RICTOR: variants seen among roughly 807,000 people sequenced by gnomAD.
The protein encoded by RICTOR is rapamycin-insensitive companion of mTOR.
Under a neutral mutation model 214.9 loss-of-function variants are expected in RICTOR, and 49 were observed. The ratio of observed to expected loss-of-function variants is 0.23; its 90% CI spans 0.18 to 0.29. The LOEUF is 0.29. Among genes scored for constraint, RICTOR ranks in the 10% least tolerant of loss-of-function variants. The pLI, the probability that RICTOR is intolerant of heterozygous loss-of-function variation, is 1.00. For synonymous variants in RICTOR, 717 were observed against 711.3 expected (o/e 1.01, Z -0.13); for missense variants, 1,625 against 2,047.0 (o/e 0.79, Z 3.98).
chr5:38,991,010 A>C lies in RICTOR; in HGVS notation c.522T>G (p.Asn174Lys). Residue 174 changes from asparagine to lysine, a missense_variant, in exon 7 of 38, where the codon AAT becomes AAG. Physicochemically the swap from Asn to Lys is moderately conservative, Grantham distance 94. Transcript: ENST00000357387. ...SVTNSLIAVG[N>K]DGLQERDRMV... ...TTCTGTCTCTTTCTTGAAGTCCATC[A>C]TTTCCAACTGCAATTAATGAGTTGG... 2 of 1,606,134 alleles carry C rather than the reference A, an allele frequency of 1.2e-6. No individual in the cohort carries two copies. The highest frequency in any genetic ancestry group is 1.7e-6 in the Non-Finnish European group (2 of 1,174,844).
At chr5:39,047,688 C>T (rs1360166474) in intron 2 of RICTOR, among the ~76,000 whole-genome samples, 2 of 152,142 alleles carry the variant, frequency 1.3e-5, no homozygotes, top group African/African-American at 4.8e-5. Flanking sequence ...AAATTCCAGT[C>T]AGGCTTTGCT....
chr5:39,044,462 C>A (rs1176106500), intron 2 of RICTOR, among the ~76,000 whole-genome samples: 2 of 151,982 alleles, frequency 1.3e-5, no homozygotes, highest in Admixed American at 1.3e-4. Context: ...GACTTACTAT[C>A]TTATGAGTAG....
At chr5:38,944,245 T>A in intron 36 of RICTOR, 1 of 647,892 alleles carries the variant, frequency 1.5e-6, no homozygotes, top group South Asian at 1.5e-5. Context: ...TGGATTCTCA[T>A]ACTTGCTTCT....
intron 7 of RICTOR, among the ~76,000 whole-genome samples, chr5:38,984,825 G>A (rs1371793736): frequency 6.6e-6 from 1 of 152,028 alleles, no homozygotes; most frequent in Non-Finnish European, 1.5e-5. Flanking sequence ...GTTGTTGGTG[G>A]TGGTGGTGTT....
Position 39,010,875 on chromosome 5 carries a change from T to A in RICTOR, c.196-7253A>T, listed in dbSNP as rs1386416108. Among the ~76,000 whole-genome samples, 3 of 152,172 alleles carry A rather than the reference T, an allele frequency of 2.0e-5. No homozygotes were observed. In the East Asian group the frequency reaches 5.8e-4, roughly 29 times the overall value. ...ACAATCTGGAATTGGAACTTATGTTTAAAAGTGAAGCAGAGCATAAAAGTT... is the reference window on the plus strand; with the variant it reads ...ACAATCTGGAATTGGAACTTATGTTAAAAAGTGAAGCAGAGCATAAAAGTT... On this transcript the variant is annotated intron_variant, in intron 3 of 37. Transcript: ENST00000357387.
chr5:39,068,603 A>C (rs1330881358), intron 2 of RICTOR, among the ~76,000 whole-genome samples: 1 of 152,224 alleles, frequency 6.6e-6, no homozygotes, highest in Non-Finnish European at 1.5e-5. Context: ...ACAAGATCAG[A>C]TCTAGATTTC....
chr5:39,027,451 T>C (rs1001315626), intron 2 of RICTOR, among the ~76,000 whole-genome samples: 1 of 152,106 alleles, frequency 6.6e-6, no homozygotes, highest in African/African-American at 2.4e-5. Context: ...CTCTCTACAT[T>C]GCTTTTATAA....
At chr5:39,039,118 A>G (rs919605931) in intron 2 of RICTOR, among the ~76,000 whole-genome samples, 16 of 152,168 alleles carry the variant, frequency 1.1e-4, no homozygotes, top group Non-Finnish European at 2.4e-4. Context: ...CCAAACAGAG[A>G]TATAGACCAA....
At chr5:39,032,949 AC>A (rs945022011) in intron 2 of RICTOR, among the ~76,000 whole-genome samples, 1 of 152,130 alleles carries the variant, frequency 6.6e-6, no homozygotes, top group Non-Finnish European at 1.5e-5. Context: ...GTTTTTCCTA[AC>A]CTACAAGCCC....
intron 2 of RICTOR, among the ~76,000 whole-genome samples, chr5:39,022,819 A>G: frequency 6.6e-6 from 1 of 152,226 alleles, no homozygotes; most frequent in East Asian, 1.9e-4. Flanking sequence ...CAACTGAAGG[A>G]AACAGTGTAT....
chr5:38,968,923 C>T (rs1389074739), intron 11 of RICTOR, among the ~76,000 whole-genome samples: 1 of 150,854 alleles, frequency 6.6e-6, no homozygotes, highest in Non-Finnish European at 1.5e-5. Context: ...ATGATCCTAA[C>T]CCTGTATAGG....
At chr5:38,959,110 G>T in intron 22 of RICTOR, 85 bp downstream of exon 22, 3 of 1,059,052 alleles carry the variant, frequency 2.8e-6, no homozygotes, top group South Asian at 2.1e-5. Flanking sequence ...CATATTCTTA[G>T]AACTTAATTT....
intron 2 of RICTOR, among the ~76,000 whole-genome samples, chr5:39,051,890 C>T (rs1490135107): frequency 2.6e-5 from 4 of 152,124 alleles, no homozygotes; most frequent in African/African-American, 9.7e-5. Flanking sequence ...AATACATAGT[C>T]ACCTACTTAT....
chr5:38,966,736 A>G lies in RICTOR; in HGVS notation c.1219-15T>C. On this transcript the variant is annotated splice_polypyrimidine_tract_variant and intron_variant, in intron 14 of 37. Coordinates refer to ENST00000357387, the MANE Select transcript of RICTOR (RefSeq NM_152756.5). ...TCAACTAGACCCTTTGAAAATAAAA[A>G]GATAACACCACTGTTGCAAAATAAT... 7.4e-7 allele frequency: 1 copy of G among 1,355,476 alleles called. No individual in the cohort carries two copies. Among genetic ancestry groups the G allele is most frequent in the Non-Finnish European group, 1.0e-6 (1 of 959,958 alleles). The allele number at this position is 1,355,476 out of a possible 1,614,324, so 84.0% of individuals were successfully genotyped here.
intron 2 of RICTOR, among the ~76,000 whole-genome samples, chr5:39,062,790 T>C (rs886065868): frequency 9.2e-5 from 14 of 152,236 alleles, no homozygotes; most frequent in African/African-American, 2.9e-4. Context: ...ATGACTAAAA[T>C]CCCTGAAGTC....
At chr5:38,975,046 T>C (rs987441411) in intron 10 of RICTOR, among the ~76,000 whole-genome samples, 4 of 152,198 alleles carry the variant, frequency 2.6e-5, no homozygotes, top group Non-Finnish European at 5.9e-5. Flanking sequence ...ACAACACATT[T>C]AATGGTGGTA....
chr5:38,973,318 TAGTTAATAATGTGCATGCTGC>T (rs2150045216), intron 10 of RICTOR, among the ~76,000 whole-genome samples: 2 of 152,294 alleles, frequency 1.3e-5, no homozygotes, highest in South Asian at 4.1e-4. Flanking sequence ...CATCTAGTTC[TAGTTAATAATGTGCATGCTGC>T]AGTGTTCAGG....
At chr5:38,944,064 TGAGA>T in intron 36 of RICTOR, 6 of 348,162 alleles carry the variant, frequency 1.7e-5, no homozygotes, top group South Asian at 1.4e-4. Context: ...AAATTAAAAT[TGAGA>T]GAATTTCCTA....
At chr5:39,008,964 A>G (rs940065197) in intron 3 of RICTOR, among the ~76,000 whole-genome samples, 7 of 152,056 alleles carry the variant, frequency 4.6e-5, no homozygotes, top group African/African-American at 1.7e-4. Context: ...TGTTTATATC[A>G]ACATACAAAA....
Sources: gnomAD v4.1 joint callset for allele counts (sites outside exome capture counted in the v4.1 genomes callset) on GRCh38, gnomAD v4.1.1 for gene constraint, MANE v1.5 for transcripts, NCBI Gene and HGNC (gene_info 2026-07-23, HGNC 2026-07-21) for gene names.